The following WDR64 variants were observed in gnomAD, a reference collection of about 807,000 sequenced individuals.
The protein encoded by WDR64 is WD repeat-containing protein 64.
WDR64 carries 112 observed loss-of-function variants against 139.3 expected under a neutral mutation model. The ratio of observed to expected loss-of-function variants is 0.80; its 90% CI spans 0.69 to 0.94. WDR64 has a LOEUF of 0.94. WDR64 is among the 40% of genes least tolerant of loss of function. WDR64 has a pLI of 0.00. For synonymous variants in WDR64, 444 were observed against 437.7 expected (o/e 1.01, Z -0.18); for missense variants, 1,206 against 1,293.1 (o/e 0.93, Z 1.03).
At chr1:241,730,395 A>G (rs1669031576) in intron 10 of WDR64, among the ~76,000 whole-genome samples, 1 of 152,174 alleles carries the variant, frequency 6.6e-6, no homozygotes, top group Non-Finnish European at 1.5e-5. Flanking sequence ...AAGATGAGGC[A>G]GGCTGTTTGT....
At chr1:241,778,697 G>A (rs1345355431) in intron 21 of WDR64, among the ~76,000 whole-genome samples, 1 of 151,908 alleles carries the variant, frequency 6.6e-6, no homozygotes, top group South Asian at 2.1e-4. Flanking sequence ...ATTTTTTAGT[G>A]GTTGCCCTAG....
chr1:241,784,976 A>AAAAAAAAAAAAAAAAAAAAAAAAAAAAG lies in WDR64; in HGVS notation c.2705+1595_2705+1596insAAAAAAAAAAAAAAAAAAAAAAAAAAAG, dbSNP rs138513526. ...CTGAAAAAAAAAAAAAAAAAAAAAAAGAAAGGACATCTGCTGTTTTATTTG... is the reference window on the plus strand; with the variant it reads ...CTGAAAAAAAAAAAAAAAAAAAAAAAAAAAAAAAAAAAAAAAAAAAAAAAAAAGGAAAGGACATCTGCTGTTTTATTTG... On this transcript the variant is annotated intron_variant, in intron 23 of 27. Transcript: ENST00000437684. Among the ~76,000 whole-genome samples, 6 of 98,410 alleles carry AAAAAAAAAAAAAAAAAAAAAAAAAAAAG rather than the reference A, an allele frequency of 6.1e-5. 1 individual carries two copies. Among genetic ancestry groups the AAAAAAAAAAAAAAAAAAAAAAAAAAAAG allele is most frequent in the East Asian group, 3.2e-4 (1 of 3,122 alleles). 64.6% of individuals were successfully genotyped at this position (98,410 alleles called of 152,430 possible). A position where few individuals can be genotyped will look rare whatever the true frequency, so the allele number is the denominator to read the frequency against.
At chr1:241,752,077 C>A (rs79353921) in intron 14 of WDR64, among the ~76,000 whole-genome samples, 4,036 of 152,224 alleles carry the variant, frequency 0.027, 188 homozygotes, top group African/African-American at 0.092. Flanking sequence ...TTCCTTTTAA[C>A]CACAGTGCTT....
At chr1:241,682,025 A>G (rs1666818416) in intron 6 of WDR64, among the ~76,000 whole-genome samples, 1 of 151,978 alleles carries the variant, frequency 6.6e-6, no homozygotes, top group African/African-American at 2.4e-5. Flanking sequence ...GATTCTGGAT[A>G]TTAGTCCTTT....
At chr1:241,654,652 A>C (rs2148047213) in intron 1 of WDR64, among the ~76,000 whole-genome samples, 1 of 151,468 alleles carries the variant, frequency 6.6e-6, no homozygotes, top group Non-Finnish European at 1.5e-5. Flanking sequence ...TAGTTTCCTA[A>C]GCCAGATATC....
chr1:241,723,189 CTG>C, intron 9 of WDR64, 106 bp from the exon 10 acceptor site: 1 of 1,384,998 alleles, frequency 7.2e-7, no homozygotes, highest in Admixed American at 2.1e-5. Flanking sequence ...CAGAAACGGA[CTG>C]TGATTTGCTG....
At chr1:241,752,742 T>A (rs1268547971) in intron 14 of WDR64, among the ~76,000 whole-genome samples, 1 of 152,214 alleles carries the variant, frequency 6.6e-6, no homozygotes, top group South Asian at 2.1e-4. Flanking sequence ...TCTCAGCTAC[T>A]TGGGGAGCTG....
chr1:241,674,252 T>C (rs1463862545), intron 3 of WDR64, among the ~76,000 whole-genome samples: 9 of 94,734 alleles, frequency 9.5e-5, no homozygotes, highest in Admixed American at 4.6e-4. Context: ...TTATCTTTTT[T>C]TTTCTTTTCT....
intron 2 of WDR64, among the ~76,000 whole-genome samples, chr1:241,668,841 A>C (rs929473786): frequency 6.6e-6 from 1 of 151,848 alleles, no homozygotes; most frequent in Non-Finnish European, 1.5e-5. Flanking sequence ...CGGAGGTTGC[A>C]GTGAGTCGAG....
intron 9 of WDR64, among the ~76,000 whole-genome samples, chr1:241,717,569 C>G (rs1558488481): frequency 6.6e-6 from 1 of 151,822 alleles, no homozygotes. Context: ...AGAAAATCCT[C>G]TCTTTGATAT....
chr1:241,785,917 C>G (rs1244802326), intron 23 of WDR64, among the ~76,000 whole-genome samples: 2 of 152,158 alleles, frequency 1.3e-5, no homozygotes, highest in African/African-American at 4.8e-5. Context: ...CCCAGGAAAT[C>G]AAGCTGGGAA....
Position 241,703,578 on chromosome 1 carries a change from C to G in WDR64, c.975-8224C>G, listed in dbSNP as rs555695793. Among the ~76,000 whole-genome samples the G allele has an allele frequency of 6.6e-6, 1 of 151,902 alleles. No individual in the cohort carries two copies. The highest frequency in any genetic ancestry group is 1.9e-4 in the East Asian group (1 of 5,144). ...TGAACTTCCCAGAATCAATACATTT[C>G]TATTCTGTGTGACTCCGGGAAGTGG... On this transcript the variant is annotated intron_variant, in intron 8 of 27. Coordinates refer to ENST00000437684, the MANE Select transcript of WDR64 (RefSeq NM_001367482.1). The surrounding 1 kb of genome is among the most constrained non-coding windows in gnomAD (Gnocchi z 5.9).
At chr1:241,721,964 A>T (rs1315848199) in intron 9 of WDR64, among the ~76,000 whole-genome samples, 7 of 152,108 alleles carry the variant, frequency 4.6e-5, no homozygotes, top group Non-Finnish European at 8.8e-5. Context: ...GAGCCTGGAA[A>T]TGTGTATCCA....
In WDR64 at chr1:241,796,318, C is replaced by G. The variant is rs1460340640; in HGVS notation, c.3140C>G (p.Ser1047Cys). 6.2e-7 allele frequency: 1 copy of G among 1,613,690 alleles called. No individual in the cohort carries two copies. The highest frequency in any genetic ancestry group is 8.5e-7 in the Non-Finnish European group (1 of 1,179,916). The change falls in exon 27 of 28, where the codon TCT becomes TGT. Residue 1047 changes from serine to cysteine, a missense_variant. Transcript: ENST00000437684. ...ATTGGCGTAGAAGCCCAAAAGGACT[C>G]TTCAGATGGCATTACAGGAAAGAAG... ...PLIGVEAQKD[S>C]SDGITGKKKG... is the part of the protein sequence containing the mutation.
At chr1:241,736,883 AT>A (rs1219965733) in intron 10 of WDR64, among the ~76,000 whole-genome samples, 4 of 152,202 alleles carry the variant, frequency 2.6e-5, no homozygotes, top group African/African-American at 9.7e-5. Flanking sequence ...TGAAACCCTA[AT>A]CCTCCTTTGC....
intron 8 of WDR64, among the ~76,000 whole-genome samples, chr1:241,697,464 A>G (rs1323055688): frequency 6.6e-6 from 1 of 151,614 alleles, no homozygotes; most frequent in African/African-American, 2.4e-5. Flanking sequence ...TTCTTTCTCT[A>G]TTTTTAGACA....
chr1:241,716,650 TATG>T (rs10612577), intron 9 of WDR64, among the ~76,000 whole-genome samples: 49,141 of 150,990 alleles, frequency 0.33, 8,585 homozygotes, highest in Middle Eastern at 0.46. Flanking sequence ...TGAATCAACA[TATG>T]ATGATGATGA....
At chr1:241,745,393 G>A (rs1005755743) in intron 13 of WDR64, among the ~76,000 whole-genome samples, 9 of 151,882 alleles carry the variant, frequency 5.9e-5, no homozygotes, top group Non-Finnish European at 8.8e-5. Context: ...AGTCTTAACT[G>A]TTCCATAAGC....
intron 8 of WDR64, among the ~76,000 whole-genome samples, chr1:241,709,581 T>A (rs1051806924): frequency 6.6e-6 from 1 of 152,066 alleles, no homozygotes; most frequent in African/African-American, 2.4e-5. Context: ...GCCATTGCAC[T>A]CCAGCCTGGG....
Sources: allele counts gnomAD v4.1 joint callset (sites outside exome capture counted in the v4.1 genomes callset), GRCh38; gene constraint gnomAD v4.1.1; non-coding constraint Gnocchi (gnomAD v3.1); transcripts MANE v1.5; gene names NCBI Gene and HGNC (gene_info 2026-07-23, HGNC 2026-07-21).